GNAQ: variants seen among roughly 807,000 people sequenced by gnomAD.
The protein encoded by GNAQ is G protein subunit alpha q.
A neutral mutation model predicts 43.9 loss-of-function variants in GNAQ; 8 were observed. That is an observed-to-expected ratio of 0.18 (90% CI 0.11 to 0.33). The LOEUF (loss-of-function observed/expected upper bound fraction) is 0.33, where lower values mean the gene tolerates loss of function less well. GNAQ is among the 10% of genes least tolerant of loss of function. The pLI is 1.00. For missense variants in GNAQ, 158 were observed against 450.8 expected (o/e 0.35, Z 5.88); for synonymous variants, 155 against 170.7 (o/e 0.91, Z 0.71).
chr9:77,725,703 G>A (rs781362307), intron 6 of GNAQ, among the ~76,000 whole-genome samples: 20 of 151,918 alleles, frequency 1.3e-4, no homozygotes, highest in Non-Finnish European at 2.1e-4. Context: ...AAGGAGGTAC[G>A]TGAAGAGATT....
At chr9:77,961,378 T>C (rs1262462873) in intron 1 of GNAQ, among the ~76,000 whole-genome samples, 1 of 152,090 alleles carries the variant, frequency 6.6e-6, no homozygotes. Context: ...GAGAAAGGCT[T>C]AGAATCCTAG....
At chr9:77,786,043 G>A (rs924333968) in intron 5 of GNAQ, among the ~76,000 whole-genome samples, 56 of 152,076 alleles carry the variant, frequency 3.7e-4, no homozygotes, top group African/African-American at 1.3e-3. Flanking sequence ...CTTGATACAT[G>A]TCACATGTGT....
intron 2 of GNAQ, among the ~76,000 whole-genome samples, chr9:77,915,894 G>C (rs1012702870): frequency 6.6e-6 from 1 of 152,164 alleles, no homozygotes; most frequent in African/African-American, 2.4e-5. Flanking sequence ...TGTGTAATTT[G>C]TAACACCATC....
At chr9:78,003,749 G>T (rs1344785236) in intron 1 of GNAQ, among the ~76,000 whole-genome samples, 1 of 151,420 alleles carries the variant, frequency 6.6e-6, no homozygotes. Context: ...CGGGGAGGCA[G>T]AGGTTGCAGT....
chr9:77,901,416 T>C (rs1208246036), intron 2 of GNAQ, among the ~76,000 whole-genome samples: 2 of 152,208 alleles, frequency 1.3e-5, no homozygotes, highest in Non-Finnish European at 2.9e-5. Flanking sequence ...ACTGTTCCTG[T>C]ACTTTCTTAC....
intron 2 of GNAQ, among the ~76,000 whole-genome samples, chr9:77,841,421 C>T (rs1270568263): frequency 2.0e-5 from 3 of 152,104 alleles, no homozygotes; most frequent in Admixed American, 6.6e-5. Flanking sequence ...TAAACCAGCA[C>T]GGCCACAGAG....
At chr9:77,920,729 T>C (rs932560115) in intron 2 of GNAQ, among the ~76,000 whole-genome samples, 7 of 152,174 alleles carry the variant, frequency 4.6e-5, no homozygotes, top group African/African-American at 1.7e-4. Flanking sequence ...GGAGGAATTA[T>C]TTGTGGAGGG....
intron 1 of GNAQ, among the ~76,000 whole-genome samples, chr9:78,009,652 C>T (rs189172846): frequency 6.6e-6 from 1 of 152,164 alleles, no homozygotes; most frequent in African/African-American, 2.4e-5. Flanking sequence ...TTTCCCTGAT[C>T]TAACTACAAA....
At chr9:77,855,442 A>G (rs967153593) in intron 2 of GNAQ, among the ~76,000 whole-genome samples, 1 of 152,146 alleles carries the variant, frequency 6.6e-6, no homozygotes, top group Non-Finnish European at 1.5e-5. Flanking sequence ...CAGTTCCCCA[A>G]AAAATGACTT....
chr9:77,882,981 G>T (rs1193070919), intron 2 of GNAQ, among the ~76,000 whole-genome samples: 1 of 152,094 alleles, frequency 6.6e-6, no homozygotes, highest in Non-Finnish European at 1.5e-5. Flanking sequence ...AAAAGAGTTA[G>T]CACCCTTCTG....
At chr9:77,936,461 C>T (rs979878546) in intron 1 of GNAQ, among the ~76,000 whole-genome samples, 2 of 152,084 alleles carry the variant, frequency 1.3e-5, no homozygotes, top group African/African-American at 2.4e-5. Flanking sequence ...CAGAAACCAA[C>T]TGTCTTATAT....
chr9:77,925,361 A>C (rs1047900969), intron 1 of GNAQ, among the ~76,000 whole-genome samples: 1 of 152,138 alleles, frequency 6.6e-6, no homozygotes, highest in Non-Finnish European at 1.5e-5. Flanking sequence ...CTCATGACAC[A>C]CTTCTGGAAG....
At chr9:77,954,314 G>C (rs189209795) in intron 1 of GNAQ, among the ~76,000 whole-genome samples, 92 of 152,332 alleles carry the variant, frequency 6.0e-4, no homozygotes, top group African/African-American at 2.2e-3. Context: ...TCCTGTTAAG[G>C]AGAAGTCATC....
intron 1 of GNAQ, among the ~76,000 whole-genome samples, chr9:78,022,927 C>G (rs990064053): frequency 6.6e-6 from 1 of 152,218 alleles, no homozygotes; most frequent in African/African-American, 2.4e-5. Flanking sequence ...CCTTAACTAT[C>G]TGTATGGAAA....
At chr9:77,745,803 C>T (rs924842379) in intron 5 of GNAQ, among the ~76,000 whole-genome samples, 46 of 151,610 alleles carry the variant, frequency 3.0e-4, no homozygotes, top group African/African-American at 9.7e-4. Context: ...AGCTAAAAGA[C>T]GTTATAGTAA....
intron 2 of GNAQ, among the ~76,000 whole-genome samples, chr9:77,825,506 T>C (rs1034474799): frequency 1.3e-5 from 2 of 152,160 alleles, no homozygotes; most frequent in Non-Finnish European, 1.5e-5. Context: ...TTCTCCACCA[T>C]CTTTCAGACT....
chr9:77,810,234 C>G (rs983111280), intron 3 of GNAQ, among the ~76,000 whole-genome samples: 1 of 151,230 alleles, frequency 6.6e-6, no homozygotes, highest in Non-Finnish European at 1.5e-5. Flanking sequence ...ATCTATCTAT[C>G]TATCTATCTA....
At chr9:78,030,208 T>A (rs1024151727) in intron 1 of GNAQ, among the ~76,000 whole-genome samples, 3 of 152,214 alleles carry the variant, frequency 2.0e-5, no homozygotes, top group Non-Finnish European at 4.4e-5. Context: ...GAGACTGCAC[T>A]GGTTTTCGGT....
chr9:77,972,082 A>G (rs1823243564), intron 1 of GNAQ, among the ~76,000 whole-genome samples: 1 of 152,152 alleles, frequency 6.6e-6, no homozygotes, highest in South Asian at 2.1e-4. Context: ...CTAAATGTAC[A>G]ATCGTGTCAT....
Sources: gnomAD v4.1 joint callset for allele counts (sites outside exome capture counted in the v4.1 genomes callset) on GRCh38, gnomAD v4.1.1 for gene constraint, MANE v1.5 for transcripts, NCBI Gene and HGNC (gene_info 2026-07-23, HGNC 2026-07-21) for gene names.